HSCB: variants seen among roughly 807,000 people sequenced by gnomAD.
HSCB encodes iron-sulfur cluster co-chaperone protein HscB.
In HSCB, 23 loss-of-function variants were observed where a neutral mutation model predicts 31.3. That is an observed-to-expected ratio of 0.74 (90% confidence interval 0.53 to 1.04). The LOEUF is 1.04. HSCB is among the 50% of genes least tolerant of loss of function. The pLI is 0.00. For synonymous variants in HSCB, 110 were observed against 104.5 expected (o/e 1.05, Z -0.32); for missense variants, 297 against 288.1 (o/e 1.03, Z -0.22).
intron 4 of HSCB, among the ~76,000 whole-genome samples, chr22:28,748,641 T>G (rs2029997857): frequency 6.6e-6 from 1 of 152,030 alleles, no homozygotes; most frequent in Non-Finnish European, 1.5e-5. Flanking sequence ...GCCTCCCAAG[T>G]AGCTGGGACT....
intron 4 of HSCB, among the ~76,000 whole-genome samples, chr22:28,747,874 T>C (rs2029937977): frequency 6.7e-6 from 1 of 150,170 alleles, no homozygotes; most frequent in Admixed American, 6.6e-5. Context: ...CCTCCCCACC[T>C]TTCCCCCCCA....
rs778209248 is a variant in HSCB, at chr22:28,757,203, C to A, written c.*34C>A. The A allele has an allele frequency of 5.9e-6, 7 of 1,190,636 alleles. No homozygotes were observed. Among genetic ancestry groups the A allele is most frequent in the South Asian group, 3.7e-5 (3 of 81,648 alleles). 73.8% of individuals were successfully genotyped at this position (1,190,636 alleles called of 1,614,324 possible). ...AGTTTAAAGTTTAAAAAATAAAGTT[C>A]TTGCTGGGCACAGTGGCTCACACCT... is the stretch of plus-strand genomic sequence containing the variant. On this transcript the variant is annotated 3_prime_UTR_variant, in exon 6 of 6. Coordinates refer to ENST00000216027, the MANE Select transcript of HSCB (RefSeq NM_172002.5).
chr22:28,748,907 A>C (rs1293180517), intron 4 of HSCB, among the ~76,000 whole-genome samples: 1 of 152,158 alleles, frequency 6.6e-6, no homozygotes, highest in African/African-American at 2.4e-5. Context: ...TGGGAGGCTG[A>C]AGTGGAAGGA....
At chr22:28,756,849 T>G (rs2030630928) in intron 5 of HSCB, among the ~76,000 whole-genome samples, 1 of 152,070 alleles carries the variant, frequency 6.6e-6, no homozygotes, top group South Asian at 2.1e-4. Context: ...TTCTCTAATT[T>G]ATGTGAATCC....
At chr22:28,753,444 C>A (rs1380563783) in intron 5 of HSCB, among the ~76,000 whole-genome samples, 1 of 151,454 alleles carries the variant, frequency 6.6e-6, no homozygotes, top group African/African-American at 2.4e-5. Context: ...AGGAAGATCG[C>A]TTGAACCCGG....
At position 28,744,633 on chromosome 22, in the gene HSCB, G is replaced by C. The variant is rs773001655; in HGVS notation, c.352G>C (p.Glu118Gln). ...CTAACAGACTGAAAAGGACTTCTCA[G>C]AGAAGCATTCGACCCTGGTGAATGA... The part of the protein sequence containing the change: ...QRSQTEKDFS[E>Q]KHSTLVNDAY... The change falls in exon 3 of 6, where the codon GAG (glutamate) becomes CAG (glutamine). Residue 118 changes from glutamate (E) to glutamine (Q), a missense_variant. Glu to Gln is a conservative substitution (Grantham distance 29). Coordinates refer to ENST00000216027, the MANE Select transcript of HSCB (RefSeq NM_172002.5). 1.6e-5 allele frequency: 26 copies of C among 1,613,424 alleles called. No homozygotes were observed. Among genetic ancestry groups the C allele is most frequent in the Non-Finnish European group, 2.0e-5 (24 of 1,179,302 alleles).
chr22:28,742,561 G>C (rs2054591596), intron 1 of HSCB: 2 of 692,712 alleles, frequency 2.9e-6, no homozygotes, highest in South Asian at 2.1e-5. Context: ...AACGGGACTG[G>C]AGGGGCGGGC....
intron 1 of HSCB, among the ~76,000 whole-genome samples, chr22:28,743,429 A>T (rs1283589488): frequency 1.3e-5 from 2 of 152,220 alleles, no homozygotes; most frequent in East Asian, 3.8e-4. Context: ...TGGGCCTAGG[A>T]GAAGGTTCAG....
At chr22:28,747,272 C>T (rs2029904878) in intron 4 of HSCB, among the ~76,000 whole-genome samples, 1 of 152,092 alleles carries the variant, frequency 6.6e-6, no homozygotes, top group Non-Finnish European at 1.5e-5. Flanking sequence ...ATCACATCTA[C>T]GAATACTTTC....
Position 28,750,364 on chromosome 22 carries a change from G to A in HSCB, c.569-877G>A, listed in dbSNP as rs184269169. ...TAATTCCTAAATTTTCTCCTGTAAG[G>A]TATCTGCTATGGCCCAGGTAAAATT... On this transcript the variant is annotated intron_variant, in intron 4 of 5. Coordinates refer to ENST00000216027, the MANE Select transcript of HSCB (RefSeq NM_172002.5). Among the ~76,000 whole-genome samples, 3 of 151,504 alleles carry A rather than the reference G, an allele frequency of 2.0e-5. No individual in the cohort carries two copies. In the South Asian group the frequency reaches 6.2e-4, roughly 32 times the overall value.
chr22:28,747,316 T>C (rs2029907179), intron 4 of HSCB, among the ~76,000 whole-genome samples: 1 of 152,202 alleles, frequency 6.6e-6, no homozygotes, highest in South Asian at 2.1e-4. Flanking sequence ...TTTTTGTTTT[T>C]TTTGAGACAT....
At chr22:28,744,105 A>T in intron 2 of HSCB, 127 bp downstream of exon 2, 1 of 770,536 alleles carries the variant, frequency 1.3e-6, no homozygotes, top group East Asian at 2.5e-5. Context: ...TGGCAGTCTG[A>T]CCCCAGCCTG....
intron 4 of HSCB, among the ~76,000 whole-genome samples, chr22:28,747,286 G>A (rs73397795): frequency 0.023 from 3,509 of 152,162 alleles, 147 homozygotes; most frequent in African/African-American, 0.081. Context: ...TACTTTCACA[G>A]GATCATCTAA....
At chr22:28,756,977 G>A (rs5752790) in intron 5 of HSCB, 101 bp from the exon 6 acceptor site, 108,386 of 742,288 alleles carry the variant, frequency 0.15, 9,235 homozygotes, top group South Asian at 0.28. Flanking sequence ...TGAGCCCTCC[G>A]GACCCCAGGG....
intron 5 of HSCB, among the ~76,000 whole-genome samples, chr22:28,756,275 C>T (rs371992708): frequency 7.3e-5 from 11 of 151,632 alleles, no homozygotes; most frequent in South Asian, 6.3e-4. Flanking sequence ...GGAAAATCAC[C>T]GGTCTAAAGG....
chr22:28,750,270 A>AAC (rs1349125779), intron 4 of HSCB, among the ~76,000 whole-genome samples: 1 of 135,358 alleles, frequency 7.4e-6, no homozygotes, highest in Non-Finnish European at 1.6e-5. Context: ...AAAAAAAAAA[A>AAC]AAAAAACACT....
At chr22:28,752,294 G>T (rs140929405) in intron 5 of HSCB, among the ~76,000 whole-genome samples, 5 of 151,678 alleles carry the variant, frequency 3.3e-5, no homozygotes, top group African/African-American at 7.3e-5. Context: ...TTAGCCAGGC[G>T]CAGTGGCGCG....
At chr22:28,745,160 G>A (rs1352178362) in intron 3 of HSCB, 5 of 153,248 alleles carry the variant, frequency 3.3e-5, no homozygotes, top group African/African-American at 9.7e-5. Flanking sequence ...TTTTTAAATT[G>A]TGATTTTCTA....
rs572819318 is a variant in HSCB, at chr22:28,749,855, G to T, written c.569-1386G>T. On this transcript the variant is annotated intron_variant, in intron 4 of 5. Transcript: ENST00000216027. ...TGACTTTGCGTGACCTTGAACAAAT[G>T]ACTTCATTCCTCTGAGCCTCAATTT... Among the ~76,000 whole-genome samples, 46 of 152,196 alleles carry T rather than the reference G, an allele frequency of 3.0e-4. No individual in the cohort carries two copies. In the South Asian group the frequency reaches 5.2e-3, roughly 17 times the overall value.
Sources: allele counts gnomAD v4.1 joint callset (sites outside exome capture counted in the v4.1 genomes callset), GRCh38; gene constraint gnomAD v4.1.1; transcripts MANE v1.5; gene names NCBI Gene and HGNC (gene_info 2026-07-23, HGNC 2026-07-21).